SERPINB7: variants seen among roughly 807,000 people sequenced by gnomAD.
SERPINB7 encodes the protein serpin B7.
Under a neutral mutation model 37.4 loss-of-function variants are expected in SERPINB7, and 31 were observed. The ratio of observed to expected loss-of-function variants is 0.83; its 90% CI spans 0.62 to 1.12. SERPINB7 has a LOEUF of 1.12. SERPINB7 is among the 50% of genes most tolerant of loss of function. SERPINB7 has a pLI of 0.00. For synonymous variants in SERPINB7, 163 were observed against 166.1 expected, an observed-to-expected ratio of 0.98 and a Z score of 0.14; for missense variants, 521 against 455.3, an observed-to-expected ratio of 1.14 and a Z score of -1.31.
intron 7 of SERPINB7, 55 bp from the exon 8 acceptor site, chr18:63,804,182 T>C: frequency 3.9e-6 from 5 of 1,296,030 alleles, no homozygotes; most frequent in Non-Finnish European, 5.3e-6. Context: ...GTAGCTATTG[T>C]TTTATCTATC....
At position 63,788,489 on chromosome 18, in the gene SERPINB7, TAAG is replaced by T. The variant is rs1449479615; in HGVS notation, c.169-3900_169-3898del. 1.2e-4 allele frequency among the ~76,000 whole-genome samples: 18 copies of T among 152,308 alleles called. No homozygotes were observed. The South Asian group carries it at 3.3e-3, about 28-fold the overall frequency. On this transcript the variant is annotated intron_variant, in intron 2 of 7. Coordinates refer to ENST00000398019, the MANE Select transcript of SERPINB7 (RefSeq NM_003784.4). ...AAAGAATCAAAATGTTTTTAAAAAA[TAAG>T]AAGTTTATAAAGTAAAAAAGTTAAA...
intron 7 of SERPINB7, among the ~76,000 whole-genome samples, chr18:63,802,856 C>T (rs530254368): frequency 7.9e-5 from 12 of 152,174 alleles, no homozygotes; most frequent in East Asian, 1.9e-4. Context: ...TCTTTCATTA[C>T]GTTTTCATCT....
intron 2 of SERPINB7, among the ~76,000 whole-genome samples, chr18:63,783,206 G>GAT (rs2049322261): frequency 1.2e-5 from 1 of 85,592 alleles, no homozygotes; most frequent in African/African-American, 5.2e-5. Context: ...GAGAGAGAGA[G>GAT]AGAGAGAGAG....
chr18:63,781,926 T>G (rs1293038775), intron 1 of SERPINB7, among the ~76,000 whole-genome samples: 1 of 152,210 alleles, frequency 6.6e-6, no homozygotes, highest in Non-Finnish European at 1.5e-5. Flanking sequence ...GGGTTAAAAA[T>G]GATGTGTTAA....
intron 6 of SERPINB7, among the ~76,000 whole-genome samples, chr18:63,799,125 T>C (rs2049520684): frequency 6.6e-6 from 1 of 152,198 alleles, no homozygotes; most frequent in Admixed American, 6.5e-5. Context: ...CATCAATGAT[T>C]TTCCTGAGTC....
At chr18:63,767,469 C>T (rs1568201452) in intron 1 of SERPINB7, among the ~76,000 whole-genome samples, 1 of 152,132 alleles carries the variant, frequency 6.6e-6, no homozygotes, top group Non-Finnish European at 1.5e-5. Flanking sequence ...TCTACACATT[C>T]TGTCCAGGTC....
intron 2 of SERPINB7, 24 bp downstream of exon 2, chr18:63,782,564 A>G: frequency 6.4e-7 from 1 of 1,573,432 alleles, no homozygotes; most frequent in Non-Finnish European, 8.6e-7. Flanking sequence ...TTTGCAGTTA[A>G]TCACTGGGAC....
chr18:63,780,460 G>C (rs1372877452), intron 1 of SERPINB7, among the ~76,000 whole-genome samples: 1 of 152,116 alleles, frequency 6.6e-6, no homozygotes, highest in Non-Finnish European at 1.5e-5. Flanking sequence ...AGCACTGCTA[G>C]TATCACTCAC....
upstream of SERPINB7, among the ~76,000 whole-genome samples, chr18:63,771,692 G>T (rs952782961): frequency 1.3e-5 from 2 of 151,942 alleles, no homozygotes; most frequent in Non-Finnish European, 1.5e-5. Flanking sequence ...GAGTTGAAAG[G>T]GTTTACTTTT....
chr18:63,788,968 C>T (rs2049399605), intron 2 of SERPINB7, among the ~76,000 whole-genome samples: 1 of 152,128 alleles, frequency 6.6e-6, no homozygotes, highest in Admixed American at 6.6e-5. Context: ...CCATACATTT[C>T]TCAGAAAGAA....
At chr18:63,795,487 G>A (rs1158686997) in intron 4 of SERPINB7, among the ~76,000 whole-genome samples, 2 of 151,778 alleles carry the variant, frequency 1.3e-5, no homozygotes, top group East Asian at 1.9e-4. Flanking sequence ...CTTGAACCCA[G>A]GAGGCAGATG....
intron 1 of SERPINB7, among the ~76,000 whole-genome samples, chr18:63,779,178 G>C (rs2049278682): frequency 6.6e-6 from 1 of 151,882 alleles, no homozygotes; most frequent in Non-Finnish European, 1.5e-5. Flanking sequence ...GGTGGCTGTT[G>C]GTGGCTTGCC....
chr18:63,783,232 G>GAGAAAGAAAGAAAGAAAGAA (rs761812129), intron 2 of SERPINB7, among the ~76,000 whole-genome samples: 7 of 40,758 alleles, frequency 1.7e-4, no homozygotes, highest in South Asian at 1.0e-3. Context: ...GAGAGAGAGA[G>GAGAAAGAAAGAAAGAAAGAA]AGAAAGAAAG....
upstream of SERPINB7, among the ~76,000 whole-genome samples, chr18:63,770,555 T>A (rs896599469): frequency 1.3e-5 from 2 of 152,094 alleles, no homozygotes; most frequent in African/African-American, 4.8e-5. Context: ...ATTTAACTTT[T>A]ACTCAGGAAT....
Position 63,783,186 on chromosome 18 carries a change from AAGAGAGAG to A in SERPINB7, c.168+688_168+695del, listed in dbSNP as rs1200340375. Among the ~76,000 whole-genome samples the A allele has an allele frequency of 8.0e-3, 600 of 75,226 alleles. 14 individuals are homozygous for A. Among genetic ancestry groups the A allele is most frequent in the Middle Eastern group, 0.012 (2 of 170 alleles). The allele number at this position is 75,226 out of a possible 152,430, so 49.4% of individuals were successfully genotyped here. A position where few individuals can be genotyped will look rare whatever the true frequency, so the allele number is the denominator to read the frequency against. On this transcript the variant is annotated intron_variant, in intron 2 of 7. Transcript: ENST00000398019. ...CAAAAAGAAAATAAAGAAAGAAAGA[AAGAGAGAG>A]AGAGAGAGAGAGAGAGAGAGAGAGA...
At chr18:63,779,258 A>C (rs1328444222) in intron 1 of SERPINB7, among the ~76,000 whole-genome samples, 2 of 152,164 alleles carry the variant, frequency 1.3e-5, no homozygotes, top group African/African-American at 2.4e-5. Flanking sequence ...AGGGAAAGGA[A>C]AAATCACAGT....
At chr18:63,754,969 G>T (rs1016197772) in intron 1 of SERPINB7, among the ~76,000 whole-genome samples, 1 of 132,318 alleles carries the variant, frequency 7.6e-6, no homozygotes, top group African/African-American at 2.9e-5. Context: ...GCGCAATCTC[G>T]GCTCACTGCA....
chr18:63,769,412 C>T (rs2049197883), intron 1 of SERPINB7, among the ~76,000 whole-genome samples: 1 of 152,094 alleles, frequency 6.6e-6, no homozygotes, highest in African/African-American at 2.4e-5. Flanking sequence ...AAAATAGCTG[C>T]TTTAAAATCC....
intron 2 of SERPINB7, among the ~76,000 whole-genome samples, chr18:63,788,598 A>G (rs1000998585): frequency 5.9e-5 from 9 of 152,216 alleles, no homozygotes; most frequent in Admixed American, 5.2e-4. Context: ...GTGCTTGTGA[A>G]GTCTACAGCG....
Sources: allele counts gnomAD v4.1 joint callset (sites outside exome capture counted in the v4.1 genomes callset), GRCh38; gene constraint gnomAD v4.1.1; transcripts MANE v1.5; gene names NCBI Gene and HGNC (gene_info 2026-07-23, HGNC 2026-07-21).